B3GALT1: variants seen among roughly 807,000 people sequenced by gnomAD.
B3GALT1 encodes beta-1,3-galactosyltransferase 1, also known as UDP-Gal:betaGlcNAc beta 1,3-galactosyltransferase, polypeptide 1.
A neutral mutation model predicts 23.2 loss-of-function variants in B3GALT1; 10 were observed. The ratio of observed to expected loss-of-function variants is 0.43; its 90% CI spans 0.27 to 0.73. The LOEUF (loss-of-function observed/expected upper bound fraction) is 0.73. Among genes scored for constraint, B3GALT1 ranks in the 30% least tolerant of loss-of-function variants. The pLI, the probability that B3GALT1 is intolerant of heterozygous loss-of-function variation, is 0.21. For missense variants in B3GALT1, 299 were observed against 405.4 expected, an observed-to-expected ratio of 0.74 and a Z score of 2.25; for synonymous variants, 156 against 141.5, an observed-to-expected ratio of 1.10 and a Z score of -0.73.
intron 3 of B3GALT1, among the ~76,000 whole-genome samples, chr2:167,648,209 T>A (rs1685790451): frequency 6.6e-6 from 1 of 152,176 alleles, no homozygotes. Context: ...TAAATACCAT[T>A]AAATTTATCT....
At chr2:167,783,478 A>G (rs1412971372) in intron 3 of B3GALT1, among the ~76,000 whole-genome samples, 2 of 152,074 alleles carry the variant, frequency 1.3e-5, no homozygotes, top group African/African-American at 4.8e-5. Context: ...TGCTCCCACC[A>G]GTAGAGTGGG....
intron 1 of B3GALT1, among the ~76,000 whole-genome samples, chr2:167,476,944 A>T (rs993404100): frequency 8.5e-5 from 13 of 152,328 alleles, no homozygotes; most frequent in African/African-American, 3.1e-4. Context: ...AGTTCCGTAA[A>T]TAATTCTGTC....
chr2:167,819,240 C>T (rs1689058662), intron 4 of B3GALT1, among the ~76,000 whole-genome samples: 1 of 152,138 alleles, frequency 6.6e-6, no homozygotes, highest in African/African-American at 2.4e-5. Flanking sequence ...CCCATTTCTC[C>T]AAGGCCATCA....
At chr2:167,867,138 G>A (rs1005877977) in intron 4 of B3GALT1, among the ~76,000 whole-genome samples, 15 of 152,212 alleles carry the variant, frequency 9.9e-5, no homozygotes, top group Non-Finnish European at 2.1e-4. Context: ...GTTTTAGCCA[G>A]GATGGTCTCG....
intron 2 of B3GALT1, among the ~76,000 whole-genome samples, chr2:167,626,213 A>G (rs1287176259): frequency 6.6e-6 from 1 of 151,374 alleles, no homozygotes; most frequent in Non-Finnish European, 1.5e-5. Context: ...CCATATCAAG[A>G]TTTTTTAAAT....
At chr2:167,339,728 G>T (rs1282925429) in intron 1 of B3GALT1, among the ~76,000 whole-genome samples, 2,597 of 152,200 alleles carry the variant, frequency 0.017, 85 homozygotes, top group African/African-American at 0.059. Context: ...TTCGAAGAAG[G>T]ATAGAATAGT....
At chr2:167,670,043 G>T (rs1686296080) in intron 3 of B3GALT1, among the ~76,000 whole-genome samples, 1 of 152,180 alleles carries the variant, frequency 6.6e-6, no homozygotes, top group Non-Finnish European at 1.5e-5. Flanking sequence ...TACATCACCT[G>T]CAGACTCCCT....
At chr2:167,425,439 T>C (rs1314431339) in intron 1 of B3GALT1, among the ~76,000 whole-genome samples, 1 of 152,230 alleles carries the variant, frequency 6.6e-6, no homozygotes, top group East Asian at 1.9e-4. Flanking sequence ...TCACTACACC[T>C]ATTTTTAAAA....
chr2:167,560,223 A>G (rs1222008934), intron 2 of B3GALT1, among the ~76,000 whole-genome samples: 1 of 152,232 alleles, frequency 6.6e-6, no homozygotes, highest in Non-Finnish European at 1.5e-5. Flanking sequence ...TAAGTGAAGG[A>G]GAAATAAAAT....
intron 2 of B3GALT1, among the ~76,000 whole-genome samples, chr2:167,543,879 T>C (rs1258320687): frequency 6.6e-6 from 1 of 152,176 alleles, no homozygotes; most frequent in East Asian, 1.9e-4. Context: ...TACAGAATTA[T>C]TTTCCTTACA....
intron 3 of B3GALT1, chr2:167,716,185 T>C: frequency 2.8e-6 from 3 of 1,090,168 alleles, no homozygotes; most frequent in Non-Finnish European, 3.9e-6. Context: ...AGCGGACTAC[T>C]GCGGAGCCGG....
intron 2 of B3GALT1, among the ~76,000 whole-genome samples, chr2:167,551,313 TTTGA>T (rs1214000695): frequency 6.6e-6 from 1 of 152,146 alleles, no homozygotes; most frequent in Non-Finnish European, 1.5e-5. Context: ...AAATATGTTG[TTTGA>T]TTGAGCTGGT....
chr2:167,607,384 G>C (rs1684983584), intron 2 of B3GALT1, among the ~76,000 whole-genome samples: 1 of 152,126 alleles, frequency 6.6e-6, no homozygotes, highest in Admixed American at 6.6e-5. Context: ...TAGAATTATG[G>C]AGTAGGTTTT....
intron 1 of B3GALT1, among the ~76,000 whole-genome samples, chr2:167,354,230 C>T (rs995079383): frequency 6.6e-6 from 1 of 152,150 alleles, no homozygotes; most frequent in Non-Finnish European, 1.5e-5. Flanking sequence ...CATGATCTCT[C>T]TAAAATAGCT....
intron 4 of B3GALT1, among the ~76,000 whole-genome samples, chr2:167,822,028 C>T (rs1689118115): frequency 6.6e-6 from 1 of 152,204 alleles, no homozygotes; most frequent in African/African-American, 2.4e-5. Flanking sequence ...CCTATCCCCA[C>T]ACAGTGGAGG....
chr2:167,570,355 A>T (rs749708443), intron 2 of B3GALT1, among the ~76,000 whole-genome samples: 7 of 151,562 alleles, frequency 4.6e-5, no homozygotes, highest in African/African-American at 1.7e-4. Flanking sequence ...ATATAGGTCT[A>T]TTTTTTCTTG....
At chr2:167,587,943 G>A (rs953747219) in intron 2 of B3GALT1, among the ~76,000 whole-genome samples, 14 of 152,182 alleles carry the variant, frequency 9.2e-5, no homozygotes, top group Non-Finnish European at 1.9e-4. Flanking sequence ...AGCTTGTGGA[G>A]ACAGAGAAAT....
intron 3 of B3GALT1, among the ~76,000 whole-genome samples, chr2:167,725,757 C>G (rs1275342920): frequency 6.6e-6 from 1 of 152,002 alleles, no homozygotes; most frequent in Non-Finnish European, 1.5e-5. Context: ...CACAGTTGAC[C>G]CCATGAACCC....
intron 3 of B3GALT1, among the ~76,000 whole-genome samples, chr2:167,802,080 G>C (rs1228655574): frequency 6.6e-6 from 1 of 152,160 alleles, no homozygotes; most frequent in Non-Finnish European, 1.5e-5. Flanking sequence ...TGCACACATA[G>C]GCAGCTGTGC....
Sources: allele counts gnomAD v4.1 joint callset (sites outside exome capture counted in the v4.1 genomes callset), GRCh38; gene constraint gnomAD v4.1.1; transcripts MANE v1.5; gene names NCBI Gene and HGNC (gene_info 2026-07-23, HGNC 2026-07-21).